CCDC15: variants seen among roughly 807,000 people sequenced by gnomAD.
The protein encoded by CCDC15 is coiled-coil domain-containing protein 15.
In CCDC15, 105 loss-of-function variants were observed where a neutral mutation model predicts 114.5. The ratio of observed to expected loss-of-function variants is 0.92; its 90% CI spans 0.78 to 1.08. CCDC15 has a LOEUF of 1.08. Among genes scored for constraint, CCDC15 ranks in the 50% least tolerant of loss-of-function variants. The pLI, the probability that CCDC15 is intolerant of heterozygous loss-of-function variation, is 0.00. For missense variants in CCDC15, 1,105 were observed against 1,093.6 expected (o/e 1.01, Z -0.15); for synonymous variants, 334 against 377.8 (o/e 0.88, Z 1.34).
At chr11:124,965,819 C>T (rs891814128) in intron 4 of CCDC15, among the ~76,000 whole-genome samples, 2 of 152,082 alleles carry the variant, frequency 1.3e-5, no homozygotes, top group Non-Finnish European at 2.9e-5. Flanking sequence ...TAAATGTGTC[C>T]GAGAGATTCT....
chr11:124,984,690 C>T (rs1948128460), intron 6 of CCDC15, among the ~76,000 whole-genome samples: 1 of 152,164 alleles, frequency 6.6e-6, no homozygotes, highest in African/African-American at 2.4e-5. Context: ...TTCCAGAGGT[C>T]TGTGGAGTGA....
intron 15 of CCDC15, 86 bp downstream of exon 15, chr11:125,039,155 G>C: frequency 1.6e-6 from 2 of 1,281,778 alleles, no homozygotes; most frequent in Non-Finnish European, 1.1e-6. Flanking sequence ...ACCATTTATT[G>C]AGTGCTTACT....
At chr11:125,011,565 T>TA (rs1228801934) in intron 13 of CCDC15, among the ~76,000 whole-genome samples, 11 of 152,116 alleles carry the variant, frequency 7.2e-5, no homozygotes, top group Admixed American at 7.2e-4. Context: ...AGAATTCATT[T>TA]AAAAAAACAA....
At chr11:124,974,595 TG>T (rs1020706650) in intron 4 of CCDC15, among the ~76,000 whole-genome samples, 2 of 152,164 alleles carry the variant, frequency 1.3e-5, no homozygotes, top group East Asian at 3.9e-4. Context: ...TAAGTAGCTA[TG>T]GTCTTCAAAT....
At chr11:124,986,121 C>T (rs1314871790) in intron 6 of CCDC15, among the ~76,000 whole-genome samples, 2 of 152,226 alleles carry the variant, frequency 1.3e-5, no homozygotes, top group South Asian at 2.1e-4. Flanking sequence ...ACTATTCTTT[C>T]CTCATTGAAT....
chr11:125,030,634 C>G (rs138852536), intron 13 of CCDC15, among the ~76,000 whole-genome samples: 1,809 of 152,290 alleles, frequency 0.012, 43 homozygotes, highest in African/African-American at 0.041. Context: ...GCTGGCTGAT[C>G]ACCCTGAGGA....
intron 13 of CCDC15, among the ~76,000 whole-genome samples, chr11:125,012,528 C>T (rs1948600171): frequency 6.6e-6 from 1 of 151,890 alleles, no homozygotes; most frequent in Non-Finnish European, 1.5e-5. Context: ...GTGCAGTTGC[C>T]AAGATAGGTA....
At chr11:124,964,701 G>A (rs907545322) in intron 4 of CCDC15, among the ~76,000 whole-genome samples, 1 of 152,184 alleles carries the variant, frequency 6.6e-6, no homozygotes, top group African/African-American at 2.4e-5. Flanking sequence ...GTGAGAGAGG[G>A]CATCGCTGTC....
At chr11:125,000,971 A>G (rs148362042) in intron 11 of CCDC15, among the ~76,000 whole-genome samples, 72 of 152,280 alleles carry the variant, frequency 4.7e-4, no homozygotes, top group Non-Finnish European at 8.1e-4. Context: ...TATATGATTG[A>G]TCCGTTAACA....
At chr11:125,006,850 T>A (rs1948555659) in intron 13 of CCDC15, among the ~76,000 whole-genome samples, 1 of 152,234 alleles carries the variant, frequency 6.6e-6, no homozygotes, top group Non-Finnish European at 1.5e-5. Flanking sequence ...TTCTGTTTTT[T>A]GGACTTGGTT....
Position 124,987,534 on chromosome 11 carries a change from A to T in CCDC15, c.1308A>T (p.Lys436Asn). Residue 436 changes from lysine to asparagine, a missense_variant, in exon 8 of 16, where the codon AAA becomes AAT. By Grantham distance (94) the Lys-to-Asn change is moderately conservative. Transcript: ENST00000344762. ...TCAAAGACCACTGTGTTCTCCCTAA[A>T]GACCAGAGTATTCTACTCAAATATC... ...VLLKDHCVLP[K>N]DQSILLKYQD... The T allele has an allele frequency of 2.5e-6, 4 of 1,614,056 alleles. No homozygotes were observed. Among genetic ancestry groups the T allele is most frequent in the Non-Finnish European group, 3.4e-6 (4 of 1,179,900 alleles).
In CCDC15 at chr11:124,977,534, G is replaced by A. The variant is rs1947994109; in HGVS notation, c.687G>A (p.Glu229=). The A allele has an allele frequency of 6.2e-7, 1 of 1,608,160 alleles. No individual in the cohort carries two copies. Among genetic ancestry groups the A allele is most frequent in the Non-Finnish European group, 8.5e-7 (1 of 1,177,024 alleles). Residue 229 remains glutamate (E), a synonymous_variant, in exon 6 of 16, where the codon GAG becomes GAA. Coordinates refer to ENST00000344762, the MANE Select transcript of CCDC15 (RefSeq NM_025004.3). ...STGINTGIRG[E]LPIKVHQGLL... ...GGATAAATACAGGAATAAGAGGAGA[G>A]TTGCCCATTAAGGTCCATCAAGGTC... is the stretch of plus-strand genomic sequence containing the variant.
chr11:124,987,187 C>T lies in CCDC15; in HGVS notation c.961C>T (p.His321Tyr). The T allele has an allele frequency of 6.6e-7, 1 of 1,522,974 alleles. No homozygotes were observed. The highest frequency in any genetic ancestry group is 1.4e-5 in the African/African-American group (1 of 71,808). 94.3% of individuals were successfully genotyped at this position (1,522,974 alleles called of 1,614,324 possible). Residue 321 changes from histidine to tyrosine, a missense_variant, in exon 8 of 16, where the codon CAT becomes TAT. Coordinates refer to ENST00000344762, the MANE Select transcript of CCDC15 (RefSeq NM_025004.3). ...GGAAGAGGAAGAACAAAAGCAGTTA[C>T]ATTTTGAGGGCCTTCAGGATATTCT... ...LMEEEEQKQL[H>Y]FEGLQDILPE...
At chr11:124,975,415 G>A (rs1947957003) in intron 5 of CCDC15, among the ~76,000 whole-genome samples, 1 of 152,144 alleles carries the variant, frequency 6.6e-6, no homozygotes, top group African/African-American at 2.4e-5. Context: ...GAAGATAAGG[G>A]AAAGTGTCTG....
At chr11:125,034,305 G>A (rs951760847) in intron 13 of CCDC15, among the ~76,000 whole-genome samples, 1 of 152,190 alleles carries the variant, frequency 6.6e-6, no homozygotes, top group Non-Finnish European at 1.5e-5. Flanking sequence ...ATTCCCAGTT[G>A]CAAGGTCCCA....
At chr11:124,981,154 G>GT (rs908702970) in intron 6 of CCDC15, among the ~76,000 whole-genome samples, 35 of 151,994 alleles carry the variant, frequency 2.3e-4, no homozygotes, top group African/African-American at 8.4e-4. Context: ...GTTTTTTTGT[G>GT]TTTTTTTGAA....
At chr11:124,978,099 T>G (rs1326608096) in intron 6 of CCDC15, among the ~76,000 whole-genome samples, 1 of 152,154 alleles carries the variant, frequency 6.6e-6, no homozygotes, top group Non-Finnish European at 1.5e-5. Flanking sequence ...AGTTAGAACA[T>G]GTGGTATTTG....
intron 13 of CCDC15, among the ~76,000 whole-genome samples, chr11:125,032,382 A>G (rs528323137): frequency 1.3e-5 from 2 of 152,330 alleles, no homozygotes; most frequent in East Asian, 3.9e-4. Context: ...GTACCAGAAG[A>G]TGTGTTAATT....
intron 13 of CCDC15, among the ~76,000 whole-genome samples, chr11:125,025,919 T>C (rs890069243): frequency 2.6e-5 from 4 of 152,154 alleles, no homozygotes; most frequent in Admixed American, 6.6e-5. Context: ...CATTAATTTT[T>C]CTATTTTTGT....
Sources: gnomAD v4.1 joint callset for allele counts (sites outside exome capture counted in the v4.1 genomes callset) on GRCh38, gnomAD v4.1.1 for gene constraint, MANE v1.5 for transcripts, NCBI Gene and HGNC (gene_info 2026-07-23, HGNC 2026-07-21) for gene names.